Variants in HINFP observed in about 807,000 individuals in gnomAD.
HINFP encodes the protein MBD2 (methyl-CpG-binding protein)-interacting zinc finger protein.
HINFP carries 20 observed loss-of-function variants against 50.1 expected under a neutral mutation model. The observed-to-expected ratio is 0.40, with a 90% CI of 0.28 to 0.58. The LOEUF is 0.58. HINFP is among the 20% of genes least tolerant of loss of function. The pLI is 0.45. For synonymous variants in HINFP, 247 were observed against 243.7 expected (o/e 1.01, Z -0.13); for missense variants, 505 against 664.1 (o/e 0.76, Z 2.63).
Position 119,133,778 on chromosome 11 carries a change from G to A in HINFP, c.1140-306G>A, listed in dbSNP as rs1947912520. 1.6e-5 allele frequency: 8 copies of A among 491,166 alleles called. No individual in the cohort carries two copies. The South Asian group carries it at 2.4e-4, about 14-fold the overall frequency. 30.4% of individuals were successfully genotyped at this position (491,166 alleles called of 1,614,324 possible). A position where few individuals can be genotyped will look rare whatever the true frequency, so the allele number is the denominator to read the frequency against. On this transcript the variant is annotated intron_variant, in intron 9 of 9. Coordinates refer to ENST00000350777, the MANE Select transcript of HINFP (RefSeq NM_198971.3). Reference sequence around the variant, plus strand: ...AGCTGGAACTAGAGCTAGAGTCTAAGGGTTCTGATCCTTAGCTCCAAGGCC... The same window carrying A: ...AGCTGGAACTAGAGCTAGAGTCTAAAGGTTCTGATCCTTAGCTCCAAGGCC...
intron 2 of HINFP, among the ~76,000 whole-genome samples, chr11:119,128,430 C>T (rs749109484): frequency 5.3e-5 from 8 of 151,924 alleles, no homozygotes; most frequent in African/African-American, 1.7e-4. Context: ...CTCAGCCTCC[C>T]GAGTAGCTGG....
At chr11:119,132,133 A>G (rs1947796207) in intron 5 of HINFP, 151 bp downstream of exon 5, 2 of 794,068 alleles carry the variant, frequency 2.5e-6, no homozygotes, top group Non-Finnish European at 4.1e-6. Context: ...CTCTTTGCTG[A>G]TTCAGATTCG....
In HINFP at chr11:119,134,044, C is replaced by CT; in HGVS notation, c.1140-39dup. On this transcript the variant is annotated intron_variant, in intron 9 of 9. Transcript: ENST00000350777. The surrounding 1 kb of genome is among the most constrained non-coding windows in gnomAD (Gnocchi z 4.3). Reference sequence around the variant, plus strand: ...CAGCCTCGGCCATTTCTGTATCCCCCTGCCTGGGTTTGCTGCCCTTTATGC... The same window carrying CT: ...CAGCCTCGGCCATTTCTGTATCCCCCTTGCCTGGGTTTGCTGCCCTTTATGC... The CT allele has an allele frequency of 6.2e-7, 1 of 1,613,418 alleles. No homozygotes were observed. The highest frequency in any genetic ancestry group is 2.2e-5 in the East Asian group (1 of 44,866).
chr11:119,135,590 C>G lies in HINFP; in HGVS notation c.*1092C>G, dbSNP rs641382. The G allele has an allele frequency of 6.6e-6, 1 of 151,970 alleles. No individual in the cohort carries two copies. The highest frequency in any genetic ancestry group is 2.4e-5 in the African/African-American group (1 of 41,370). The allele number at this position is 151,970 out of a possible 1,614,324, so 9.4% of individuals were successfully genotyped here. On this transcript the variant is annotated 3_prime_UTR_variant, in exon 10 of 10. Coordinates refer to ENST00000350777, the MANE Select transcript of HINFP (RefSeq NM_198971.3). ...CCTCCCAAAATAAGAATCATCATTT[C>G]GTCTGGTTCAGCTGCTTCTCAGCAC...
chr11:119,128,228 TAATAA>T (rs1024295246), intron 2 of HINFP, among the ~76,000 whole-genome samples: 5 of 152,218 alleles, frequency 3.3e-5, no homozygotes, highest in Admixed American at 1.3e-4. Context: ...ACTGGGATTT[TAATAA>T]AATCCAATCT....
intron 1 of HINFP, among the ~76,000 whole-genome samples, chr11:119,123,046 T>C (rs1037080225): frequency 2.2e-5 from 3 of 136,018 alleles, no homozygotes; most frequent in Admixed American, 8.9e-5. Context: ...GAGAATCGCT[T>C]GAACCTGGGA....
At chr11:119,133,412 C>G (rs1453921546) in intron 9 of HINFP, 193 bp downstream of exon 9, 1 of 587,996 alleles carries the variant, frequency 1.7e-6, no homozygotes, top group East Asian at 3.3e-5. Flanking sequence ...AACCCCGTCT[C>G]TACTAAAAAT....
chr11:119,128,824 G>A lies in HINFP; in HGVS notation c.181+1699G>A, dbSNP rs7925376. ...AGCAATTCTACTGCCTCAGCCTCCC[G>A]AGTAGCTGGGATTACAGGCACATGC... On this transcript the variant is annotated intron_variant, in intron 2 of 9. Transcript: ENST00000350777. Among the ~76,000 whole-genome samples, 1,422 of 151,514 alleles carry A rather than the reference G, an allele frequency of 9.4e-3. 17 individuals are homozygous for A. The highest frequency in any genetic ancestry group is 0.031 in the African/African-American group (1,260 of 41,238).
At chr11:119,133,486 G>A (rs1444954549) in intron 9 of HINFP, 1 of 394,178 alleles carries the variant, frequency 2.5e-6, no homozygotes, top group South Asian at 2.6e-5. Flanking sequence ...GGCTGAGGTG[G>A]GAGAATCACT....
Position 119,134,297 on chromosome 11 carries a change from A to C in HINFP, c.1353A>C (p.Thr451=). Residue 451 remains threonine, a synonymous_variant, in exon 10 of 10, where the codon ACA becomes ACC. Transcript: ENST00000350777. The surrounding 1 kb of genome is among the most constrained non-coding windows in gnomAD (Gnocchi z 4.3). ...EEEEGKGSEG[T]ALSASQDNPS... The stretch of plus-strand genomic sequence containing the variant: ...AGGAGGGCAAGGGTAGCGAAGGGAC[A>C]GCCCTCTCAGCCTCTCAGGACAACC... 1 of 1,614,170 alleles carries C rather than the reference A, an allele frequency of 6.2e-7. No individual in the cohort carries two copies. Among genetic ancestry groups the C allele is most frequent in the Non-Finnish European group, 8.5e-7 (1 of 1,179,998 alleles).
In HINFP at chr11:119,131,610, G is replaced by A. The variant is rs754307271; in HGVS notation, c.487G>A (p.Gly163Ser). Residue 163 changes from glycine (G) to serine (S), a missense_variant, in exon 4 of 10, where the codon GGC (glycine) becomes AGC (serine). Coordinates refer to ENST00000350777, the MANE Select transcript of HINFP (RefSeq NM_198971.3). The surrounding 1 kb of genome is among the most constrained non-coding windows in gnomAD (Gnocchi z 4.2). Reference protein sequence around the residue: ...HSLCCEYEAVGKDNPVVLCGW... With the variant: ...HSLCCEYEAVSKDNPVVLCGW... Reference sequence around the variant, plus strand: ...TCTGTGCTGTGAATACGAAGCAGTCGGCAAGGACAACCCGGTGGTGCTGTG... The same window carrying A: ...TCTGTGCTGTGAATACGAAGCAGTCAGCAAGGACAACCCGGTGGTGCTGTG... 15 of 1,614,038 alleles carry A rather than the reference G, an allele frequency of 9.3e-6. No individual in the cohort carries two copies. The highest frequency in any genetic ancestry group is 1.1e-5 in the Non-Finnish European group (13 of 1,180,016).
At chr11:119,129,584 C>T (rs1285268539) in intron 2 of HINFP, among the ~76,000 whole-genome samples, 1 of 151,516 alleles carries the variant, frequency 6.6e-6, no homozygotes, top group African/African-American at 2.4e-5. Context: ...CCTCAGCCTC[C>T]CAAATAGCTG....
At chr11:119,132,818 C>G (rs1273194048) in intron 7 of HINFP, 37 bp downstream of exon 7, 1 of 1,613,770 alleles carries the variant, frequency 6.2e-7, no homozygotes, top group Non-Finnish European at 8.5e-7. Flanking sequence ...AGCTCATGTT[C>G]CAGTGTTCCC....
chr11:119,125,990 AGT>A (rs1365217537), intron 1 of HINFP: 1 of 152,188 alleles, frequency 6.6e-6, no homozygotes, highest in East Asian at 1.9e-4. Flanking sequence ...CATTACCACT[AGT>A]GTGTGGCCGT....
rs1052155915 is a variant in HINFP, at chr11:119,131,860, A to G, written c.554A>G (p.Lys185Arg). ...GCTCTFKDRS[K>R]LREHLRSHTQ... ...ACCTGCACCTTCAAGGACCGCAGTA[A>G]ACTTCGAGAGCACCTCCGCAGCCAT... The change falls in exon 5 of 10, where the codon AAA becomes AGA. Residue 185 changes from lysine to arginine, a missense_variant. Physicochemically the swap from Lys to Arg is conservative, Grantham distance 26. Transcript: ENST00000350777. The surrounding 1 kb of genome is among the most constrained non-coding windows in gnomAD (Gnocchi z 4.2). 5.0e-6 allele frequency: 8 copies of G among 1,614,018 alleles called. No individual in the cohort carries two copies. In the African/African-American group the frequency reaches 8.0e-5, roughly 16 times the overall value.
chr11:119,130,534 A>G, intron 2 of HINFP, 191 bp from the exon 3 acceptor site: 1 of 586,724 alleles, frequency 1.7e-6, no homozygotes, highest in Non-Finnish European at 3.0e-6. Flanking sequence ...TTTACTTGTT[A>G]TAGTCCCTCT....
chr11:119,131,045 A>G lies in HINFP; in HGVS notation c.411+91A>G. Reference sequence around the variant, plus strand: ...CCTTTCAGGGATGCCTTATATTTCCAAGATTCCTGCTAGTATCTCTCTTCC... The same window carrying G: ...CCTTTCAGGGATGCCTTATATTTCCGAGATTCCTGCTAGTATCTCTCTTCC... On this transcript the variant is annotated intron_variant, in intron 3 of 9. Coordinates refer to ENST00000350777, the MANE Select transcript of HINFP (RefSeq NM_198971.3). This position sits in a 1 kb window ranked among gnomAD's most constrained non-coding sequence, Gnocchi z 4.2. 9.8e-7 allele frequency: 1 copy of G among 1,019,932 alleles called. No homozygotes were observed. The highest frequency in any genetic ancestry group is 1.3e-5 in the South Asian group (1 of 77,168). 63.2% of individuals were successfully genotyped at this position (1,019,932 alleles called of 1,614,324 possible). A position where few individuals can be genotyped will look rare whatever the true frequency, so the allele number is the denominator to read the frequency against.
At chr11:119,133,598 A>C (rs536122682) in intron 9 of HINFP, 5 of 198,882 alleles carry the variant, frequency 2.5e-5, no homozygotes, top group Non-Finnish European at 5.2e-5. Flanking sequence ...TAAATAAATA[A>C]ATAAAACCTT....
Position 119,130,800 on chromosome 11 carries a change from T to A in HINFP, c.257T>A (p.Val86Asp). The change falls in exon 3 of 10, where the codon GTC becomes GAC. Residue 86 changes from valine (V) to aspartate (D), a missense_variant. By Grantham distance (152) the Val-to-Asp change is radical. Transcript: ENST00000350777. ...AGTTCTGCTGACCTCATCCGCCATG[T>A]CTACTTCCACTGCTACCACACCAAG... ...LDSSADLIRH[V>D]YFHCYHTKLK... 1 of 1,614,240 alleles carries A rather than the reference T, an allele frequency of 6.2e-7. No individual in the cohort carries two copies. Among genetic ancestry groups the A allele is most frequent in the Non-Finnish European group, 8.5e-7 (1 of 1,180,036 alleles).
Sources: gnomAD v4.1 joint callset for allele counts (sites outside exome capture counted in the v4.1 genomes callset) on GRCh38, gnomAD v4.1.1 for gene constraint, Gnocchi (gnomAD v3.1) non-coding constraint, MANE v1.5 for transcripts, NCBI Gene and HGNC (gene_info 2026-07-23, HGNC 2026-07-21) for gene names.